Variants in GALNT13 observed in about 807,000 individuals in gnomAD.
The protein encoded by GALNT13 is UDP-GalNAc:polypeptide N-acetylgalactosaminyltransferase 13.
GALNT13 carries 28 observed loss-of-function variants against 64.2 expected under a neutral mutation model. The ratio of observed to expected loss-of-function variants is 0.44; its 90% confidence interval spans 0.32 to 0.60. GALNT13 has a LOEUF of 0.60. Ranked by LOEUF, GALNT13 falls within the 20% of genes least tolerant of loss-of-function variation. The pLI is 0.05. For synonymous variants in GALNT13, 214 were observed against 224.6 expected (o/e 0.95, Z 0.42); for missense variants, 577 against 669.8 (o/e 0.86, Z 1.53).
At chr2:153,675,814 T>G in the GALNT13 span, among the ~76,000 whole-genome samples, 2 of 152,194 alleles carry the variant, frequency 1.3e-5, no homozygotes, top group Non-Finnish European at 1.5e-5. Flanking sequence ...TCTTCAAAAC[T>G]AATGAAATCA....
intron 3 of GALNT13, among the ~76,000 whole-genome samples, chr2:153,976,573 G>A (rs956852910): frequency 3.9e-5 from 6 of 152,048 alleles, no homozygotes; most frequent in African/African-American, 1.4e-4. Context: ...TAAAGAACAA[G>A]CTATATTGGA....
the GALNT13 span, among the ~76,000 whole-genome samples, chr2:153,692,060 C>G: frequency 6.6e-6 from 1 of 152,042 alleles, no homozygotes; most frequent in Admixed American, 6.6e-5. Context: ...TGGAAATGAA[C>G]AATCTATATC....
the GALNT13 span, among the ~76,000 whole-genome samples, chr2:153,404,374 C>T: frequency 6.6e-6 from 1 of 152,262 alleles, no homozygotes. Flanking sequence ...AGCCATCAAT[C>T]AACTAAATCC....
chr2:153,291,652 G>C, the GALNT13 span, among the ~76,000 whole-genome samples: 4,287 of 150,016 alleles, frequency 0.029, 216 homozygotes, highest in African/African-American at 0.098. Context: ...TCCTGCTCTG[G>C]AGTTTCTGGC....
chr2:154,446,489 C>A, intron 12 of GALNT13: 1 of 1,343,214 alleles, frequency 7.4e-7, no homozygotes. Flanking sequence ...GTAGAAATTG[C>A]ATGTTGCCTA....
intron 3 of GALNT13, among the ~76,000 whole-genome samples, chr2:154,018,237 C>T (rs1437207595): frequency 6.6e-6 from 1 of 152,156 alleles, no homozygotes; most frequent in African/African-American, 2.4e-5. Context: ...GTTACTATTC[C>T]AATTGCTATT....
intron 4 of GALNT13, among the ~76,000 whole-genome samples, chr2:154,219,894 T>C (rs1358552788): frequency 6.6e-6 from 1 of 152,064 alleles, no homozygotes; most frequent in Non-Finnish European, 1.5e-5. Flanking sequence ...AGATGCCTGA[T>C]GCACAGAAAC....
At chr2:154,152,443 C>T (rs148034360) in intron 4 of GALNT13, among the ~76,000 whole-genome samples, 2,267 of 152,102 alleles carry the variant, frequency 0.015, 52 homozygotes, top group African/African-American at 0.051. Flanking sequence ...ATCTTTGTGG[C>T]GTTCTCTGTA....
intron 3 of GALNT13, among the ~76,000 whole-genome samples, chr2:154,139,445 T>A (rs923777712): frequency 6.6e-6 from 1 of 151,960 alleles, no homozygotes; most frequent in Non-Finnish European, 1.5e-5. Context: ...TTAGGAACTA[T>A]AATATAGCAG....
chr2:153,843,108 A>G, the GALNT13 span, among the ~76,000 whole-genome samples: 1 of 152,204 alleles, frequency 6.6e-6, no homozygotes, highest in Admixed American at 6.5e-5. Context: ...CTTAAGAGAT[A>G]TATTAGGCTA....
chr2:153,441,014 T>C, the GALNT13 span, among the ~76,000 whole-genome samples: 1 of 152,184 alleles, frequency 6.6e-6, no homozygotes, highest in Admixed American at 6.5e-5. Context: ...AGTCATGAAG[T>C]CTTTGTCCAT....
the GALNT13 span, among the ~76,000 whole-genome samples, chr2:153,798,766 A>T: frequency 2.0e-5 from 3 of 152,200 alleles, no homozygotes; most frequent in Non-Finnish European, 4.4e-5. Flanking sequence ...CTCTTAAAAA[A>T]GTTGTCATAC....
chr2:153,525,756 T>G, the GALNT13 span, among the ~76,000 whole-genome samples: 3 of 152,092 alleles, frequency 2.0e-5, no homozygotes, highest in Admixed American at 1.3e-4. Flanking sequence ...TTGGGGTCCC[T>G]GATTCTAGGG....
chr2:153,271,674 G>A, the GALNT13 span, among the ~76,000 whole-genome samples: 1 of 152,162 alleles, frequency 6.6e-6, no homozygotes. Context: ...TCAATATCGT[G>A]AAAATGGCCA....
chr2:153,837,154 A>G, the GALNT13 span, among the ~76,000 whole-genome samples: 1 of 151,122 alleles, frequency 6.6e-6, no homozygotes, highest in Admixed American at 6.6e-5. Context: ...TTTCTCCACA[A>G]CCTCTCCAGC....
intron 8 of GALNT13, among the ~76,000 whole-genome samples, chr2:154,299,171 T>C (rs951845109): frequency 7.2e-5 from 10 of 138,812 alleles, no homozygotes; most frequent in African/African-American, 2.5e-4. Context: ...ATTTGAAAGA[T>C]AGACGACTTT....
At chr2:153,772,661 A>T in the GALNT13 span, among the ~76,000 whole-genome samples, 1 of 152,240 alleles carries the variant, frequency 6.6e-6, no homozygotes, top group African/African-American at 2.4e-5. Context: ...TCCTGGGGAA[A>T]AAAAGGTTTT....
the GALNT13 span, among the ~76,000 whole-genome samples, chr2:153,274,002 G>A: frequency 6.6e-6 from 1 of 152,092 alleles, no homozygotes; most frequent in Non-Finnish European, 1.5e-5. Flanking sequence ...TTCAGCAGAG[G>A]TGTCTCTGGT....
At chr2:154,455,679 G>T (rs893760993), downstream of GALNT13, among the ~76,000 whole-genome samples, 5 of 152,096 alleles carry the variant, frequency 3.3e-5, no homozygotes, top group African/African-American at 1.2e-4. Context: ...ATGAATTTAT[G>T]GTGTTGAATG....
Sources: gnomAD v4.1 joint callset for allele counts (sites outside exome capture counted in the v4.1 genomes callset) on GRCh38, gnomAD v4.1.1 for gene constraint, MANE v1.5 for transcripts, NCBI Gene and HGNC (gene_info 2026-07-23, HGNC 2026-07-21) for gene names.